OPCML: variants seen among roughly 807,000 people sequenced by gnomAD.
OPCML encodes opioid-binding protein/cell adhesion molecule.
OPCML carries 13 observed loss-of-function variants against 37.8 expected under a neutral mutation model. The ratio of observed to expected loss-of-function variants is 0.34; its 90% confidence interval spans 0.22 to 0.55. OPCML has a LOEUF of 0.55. OPCML is among the 20% of genes least tolerant of loss of function. OPCML has a pLI of 0.91. For synonymous variants in OPCML, 176 were observed against 168.8 expected, an observed-to-expected ratio of 1.04 and a Z score of -0.33; for missense variants, 341 against 435.6, an observed-to-expected ratio of 0.78 and a Z score of 1.93.
At chr11:132,566,290 G>A (rs77774478) in intron 3 of OPCML, among the ~76,000 whole-genome samples, 3,203 of 152,294 alleles carry the variant, frequency 0.021, 166 homozygotes, top group East Asian at 0.21. Context: ...AAGGAAGCTA[G>A]AGCATCTAAT....
At chr11:132,697,789 G>A (rs1371119070) in intron 2 of OPCML, among the ~76,000 whole-genome samples, 3 of 151,660 alleles carry the variant, frequency 2.0e-5, no homozygotes, top group Non-Finnish European at 4.4e-5. Context: ...CTTGAGACAA[G>A]GCCTCTCTCT....
At chr11:133,117,196 G>T (rs570991808) in intron 1 of OPCML, among the ~76,000 whole-genome samples, 1 of 152,184 alleles carries the variant, frequency 6.6e-6, no homozygotes, top group African/African-American at 2.4e-5. Flanking sequence ...TGTTCTGATG[G>T]TTTTGTGAGC....
chr11:132,950,234 G>A (rs1048986147), intron 1 of OPCML, among the ~76,000 whole-genome samples: 4 of 152,154 alleles, frequency 2.6e-5, no homozygotes, highest in Admixed American at 6.5e-5. Context: ...TAGATTGCAG[G>A]GGTACAGAGT....
chr11:133,020,499 G>A (rs1947430940), intron 1 of OPCML, among the ~76,000 whole-genome samples: 1 of 152,210 alleles, frequency 6.6e-6, no homozygotes, highest in Non-Finnish European at 1.5e-5. Context: ...GCACTGAGAG[G>A]AGCAGAGGGC....
At chr11:133,204,874 A>G (rs1362874794) in intron 1 of OPCML, among the ~76,000 whole-genome samples, 2,406 of 18,768 alleles carry the variant, frequency 0.13, 64 homozygotes, top group African/African-American at 0.33. Context: ...ATGTGTATAT[A>G]TATATATATA....
chr11:132,509,572 C>T (rs1591482000), intron 4 of OPCML, among the ~76,000 whole-genome samples: 1 of 152,174 alleles, frequency 6.6e-6, no homozygotes, highest in South Asian at 2.1e-4. Flanking sequence ...ACTTGGTGCC[C>T]TGTGTCGCAG....
intron 1 of OPCML, among the ~76,000 whole-genome samples, chr11:133,352,092 C>A (rs10894670): frequency 0.5 from 76,283 of 152,008 alleles, 20,087 homozygotes; most frequent in East Asian, 0.84. Context: ...GTAATCAATT[C>A]TTCAACTATC....
intron 4 of OPCML, among the ~76,000 whole-genome samples, chr11:132,490,755 G>T (rs953198671): frequency 6.6e-6 from 1 of 150,720 alleles, no homozygotes; most frequent in Non-Finnish European, 1.5e-5. Context: ...AGTTTGCAGT[G>T]AGCCGAGATC....
intron 1 of OPCML, among the ~76,000 whole-genome samples, chr11:133,287,281 T>TTTC (rs757175383): frequency 0.028 from 4,158 of 147,718 alleles, 95 homozygotes; most frequent in Non-Finnish European, 0.043. Flanking sequence ...CTTTCTTTTT[T>TTTC]TTTTTTTTTT....
At chr11:132,804,212 G>A (rs1478585561) in intron 2 of OPCML, among the ~76,000 whole-genome samples, 1 of 152,138 alleles carries the variant, frequency 6.6e-6, no homozygotes, top group Non-Finnish European at 1.5e-5. Context: ...AGCAAGGTGA[G>A]CCCCACAATT....
At chr11:132,514,664 A>G (rs2096275922) in intron 4 of OPCML, among the ~76,000 whole-genome samples, 1 of 152,110 alleles carries the variant, frequency 6.6e-6, no homozygotes, top group Admixed American at 6.6e-5. Flanking sequence ...TTTTTGCCAA[A>G]CTGCCTTTGT....
intron 1 of OPCML, among the ~76,000 whole-genome samples, chr11:133,389,414 T>C (rs1480433844): frequency 6.6e-6 from 1 of 152,202 alleles, no homozygotes; most frequent in Admixed American, 6.5e-5. Context: ...CACTTGCTGA[T>C]TGGATGACCT....
At chr11:132,467,370 A>T (rs1285313883) in intron 4 of OPCML, among the ~76,000 whole-genome samples, 1 of 152,254 alleles carries the variant, frequency 6.6e-6, no homozygotes, top group African/African-American at 2.4e-5. Flanking sequence ...AATTTGGGTC[A>T]GGTAGTTCTG....
At chr11:133,427,050 A>G (rs904421169) in intron 1 of OPCML, among the ~76,000 whole-genome samples, 7 of 152,196 alleles carry the variant, frequency 4.6e-5, no homozygotes, top group African/African-American at 1.4e-4. Flanking sequence ...GGAGACTTTA[A>G]CATCCTCAAA....
At chr11:132,898,442 C>T (rs767899134) in intron 2 of OPCML, among the ~76,000 whole-genome samples, 4 of 152,174 alleles carry the variant, frequency 2.6e-5, no homozygotes, top group Non-Finnish European at 5.9e-5. Flanking sequence ...AAGTACAGCA[C>T]TGGGCCCAAG....
chr11:133,518,362 T>G (rs1367592078), intron 1 of OPCML, among the ~76,000 whole-genome samples: 1 of 150,634 alleles, frequency 6.6e-6, no homozygotes, highest in African/African-American at 2.5e-5. Context: ...TATGGGTGGG[T>G]GGTGTGCAGG....
At chr11:132,641,573 T>C (rs963838692) in intron 3 of OPCML, among the ~76,000 whole-genome samples, 5 of 152,228 alleles carry the variant, frequency 3.3e-5, no homozygotes, top group African/African-American at 1.2e-4. Context: ...GCAGTCAGCA[T>C]GCAGTTTAAT....
chr11:133,095,184 T>C (rs905591254), intron 1 of OPCML, among the ~76,000 whole-genome samples: 2 of 151,520 alleles, frequency 1.3e-5, no homozygotes, highest in African/African-American at 2.4e-5. Flanking sequence ...TGTATGCTCA[T>C]CTTCATCTAC....
chr11:132,845,421 C>A (rs1310653078), intron 2 of OPCML, among the ~76,000 whole-genome samples: 4 of 152,160 alleles, frequency 2.6e-5, no homozygotes, highest in Non-Finnish European at 4.4e-5. Context: ...CTCAAATACT[C>A]TTTAAAAATC....
Sources: allele counts gnomAD v4.1 joint callset (sites outside exome capture counted in the v4.1 genomes callset), GRCh38; gene constraint gnomAD v4.1.1; transcripts MANE v1.5; gene names NCBI Gene and HGNC (gene_info 2026-07-23, HGNC 2026-07-21).